INO80D: variants seen among roughly 807,000 people sequenced by gnomAD.
INO80D encodes the protein INO80 complex subunit D.
A neutral mutation model predicts 87.6 loss-of-function variants in INO80D; 21 were observed. That is an observed-to-expected ratio of 0.24 (90% CI 0.17 to 0.35). The LOEUF is 0.35. Among genes scored for constraint, INO80D ranks in the 10% least tolerant of loss-of-function variants. INO80D has a pLI of 1.00. For synonymous variants in INO80D, 440 were observed against 491.0 expected (o/e 0.90, Z 1.37); for missense variants, 982 against 1,280.7 (o/e 0.77, Z 3.56).
At position 205,993,885 on chromosome 2, in the gene INO80D, A is replaced by T. The variant is rs1687760599; in HGVS notation, c.*10483T>A. ...TAAACTTTTGTATACAAAAACCCTT[A>T]AACAAATTAAACAAGGACCAGATAA... On this transcript the variant is annotated 3_prime_UTR_variant, in exon 11 of 11. Coordinates refer to ENST00000403263, the MANE Select transcript of INO80D (RefSeq NM_017759.5). 1 of 152,240 alleles carries T rather than the reference A, an allele frequency of 6.6e-6. No homozygotes were observed. The highest frequency in any genetic ancestry group is 1.5e-5 in the Non-Finnish European group (1 of 68,040). The allele number at this position is 152,240 out of a possible 1,614,324, so 9.4% of individuals were successfully genotyped here. A position where few individuals can be genotyped will look rare whatever the true frequency, so the allele number is the denominator to read the frequency against.
At chr2:206,011,273 G>T (rs1688167824) in intron 8 of INO80D, among the ~76,000 whole-genome samples, 1 of 152,134 alleles carries the variant, frequency 6.6e-6, no homozygotes, top group African/African-American at 2.4e-5. Flanking sequence ...GAGGAAGTTA[G>T]GGGGCTCTCA....
At position 206,025,293 on chromosome 2, in the gene INO80D, C is replaced by T. The variant is rs193039695; in HGVS notation, c.1298+2818G>A. On this transcript the variant is annotated intron_variant, in intron 6 of 10. Transcript: ENST00000403263. ...CTGTAATCCCAGCACTTTGGGAGGC[C>T]GAGGTGGGTGGATCACCTGAGGTCA... 2.3e-4 allele frequency among the ~76,000 whole-genome samples: 34 copies of T among 150,676 alleles called. No individual in the cohort carries two copies. In the East Asian group the frequency reaches 5.9e-3, roughly 26 times the overall value.
chr2:206,019,895 C>A (rs995320424), intron 6 of INO80D, 50 bp from the exon 7 acceptor site: 2 of 1,426,744 alleles, frequency 1.4e-6, no homozygotes, highest in African/African-American at 2.8e-5. Context: ...CTTTAAGAAT[C>A]CAGGGTAATT....
intron 4 of INO80D, among the ~76,000 whole-genome samples, chr2:206,048,608 T>C (rs933228681): frequency 6.6e-6 from 1 of 152,204 alleles, no homozygotes; most frequent in African/African-American, 2.4e-5. Flanking sequence ...AAGTCTTGTA[T>C]CTTGGCCAGG....
intron 8 of INO80D, among the ~76,000 whole-genome samples, chr2:206,016,612 A>C (rs1472587432): frequency 6.6e-6 from 1 of 152,228 alleles, no homozygotes; most frequent in Non-Finnish European, 1.5e-5. Context: ...GGGATGTGCC[A>C]GGGCAGAATG....
intron 8 of INO80D, 75 bp downstream of exon 8, chr2:206,017,605 T>G: frequency 8.0e-7 from 1 of 1,242,548 alleles, no homozygotes; most frequent in South Asian, 1.8e-5. Flanking sequence ...ACATACATAG[T>G]TTGTGCTAAG....
At chr2:206,076,792 A>G (rs2105908311) in intron 1 of INO80D, among the ~76,000 whole-genome samples, 1 of 152,340 alleles carries the variant, frequency 6.6e-6, no homozygotes, top group South Asian at 2.1e-4. Context: ...GGTAGGTATC[A>G]GAGAGGGGGA....
rs546974412 is a variant in INO80D at position 206,001,952 on chromosome 2, C to A, written c.*2416G>T. 6.6e-6 allele frequency: 1 copy of A among 152,220 alleles called. No homozygotes were observed. The highest frequency in any genetic ancestry group is 1.5e-5 in the Non-Finnish European group (1 of 68,004). 9.4% of individuals were successfully genotyped at this position (152,220 alleles called of 1,614,324 possible). A position where few individuals can be genotyped will look rare whatever the true frequency, so the allele number is the denominator to read the frequency against. ...TAAATGCACATAAAACAGAAAATTG[C>A]AAACAATAAAATGTGCAACTTACTG... On this transcript the variant is annotated 3_prime_UTR_variant, in exon 11 of 11. Transcript: ENST00000403263.
intron 4 of INO80D, among the ~76,000 whole-genome samples, chr2:206,047,123 A>G (rs981549567): frequency 6.6e-6 from 1 of 152,158 alleles, no homozygotes; most frequent in African/African-American, 2.4e-5. Context: ...AGGCTAAGCT[A>G]TATTCCACAG....
intron 8 of INO80D, among the ~76,000 whole-genome samples, chr2:206,015,672 G>A (rs1688298894): frequency 6.6e-6 from 1 of 152,072 alleles, no homozygotes. Context: ...ATCACCTGAG[G>A]TCAGGAGTTT....
rs1433249053 is a variant in INO80D, at chr2:206,001,802, T to C, written c.*2566A>G. ...GTTGTTGATAATTCCTCAACCACTTTCCTCAGCTTTCATCATGGGCATCCA... is the reference window on the plus strand; with the variant it reads ...GTTGTTGATAATTCCTCAACCACTTCCCTCAGCTTTCATCATGGGCATCCA... On this transcript the variant is annotated 3_prime_UTR_variant, in exon 11 of 11. Transcript: ENST00000403263. 6.6e-6 allele frequency: 1 copy of C among 152,234 alleles called. No individual in the cohort carries two copies. The highest frequency in any genetic ancestry group is 1.5e-5 in the Non-Finnish European group (1 of 68,038). 9.4% of individuals were successfully genotyped at this position (152,234 alleles called of 1,614,324 possible). A position where few individuals can be genotyped will look rare whatever the true frequency, so the allele number is the denominator to read the frequency against.
At chr2:206,084,144 A>T (rs890964857) in intron 1 of INO80D, among the ~76,000 whole-genome samples, 12 of 151,826 alleles carry the variant, frequency 7.9e-5, no homozygotes, top group African/African-American at 2.9e-4. Flanking sequence ...TTTAAACAGA[A>T]AACATACGTG....
chr2:206,035,338 A>G (rs908642272), intron 5 of INO80D, among the ~76,000 whole-genome samples: 1 of 152,092 alleles, frequency 6.6e-6, no homozygotes, highest in Admixed American at 6.6e-5. Flanking sequence ...CTGATTTCAA[A>G]CTATACTATA....
chr2:206,075,077 C>T (rs1466567192), intron 1 of INO80D, among the ~76,000 whole-genome samples: 1 of 146,842 alleles, frequency 6.8e-6, no homozygotes, highest in African/African-American at 2.5e-5. Flanking sequence ...TATTATACAC[C>T]AAGTTTAATA....
At chr2:206,080,940 T>C (rs1447749334) in intron 1 of INO80D, among the ~76,000 whole-genome samples, 2 of 127,730 alleles carry the variant, frequency 1.6e-5, no homozygotes, top group Admixed American at 1.5e-4. Context: ...ATATTAAAAA[T>C]CTTTAGAAAA....
At chr2:206,066,680 C>T (rs1026141470) in intron 1 of INO80D, among the ~76,000 whole-genome samples, 1 of 151,766 alleles carries the variant, frequency 6.6e-6, no homozygotes, top group African/African-American at 2.4e-5. Flanking sequence ...TGGCACACAC[C>T]TGTAATCCCA....
At chr2:206,033,390 C>T (rs1688817850) in intron 5 of INO80D, among the ~76,000 whole-genome samples, 1 of 152,146 alleles carries the variant, frequency 6.6e-6, no homozygotes, top group Non-Finnish European at 1.5e-5. Flanking sequence ...TCAAGTATCT[C>T]TCAGACTACA....
chr2:206,066,561 T>G (rs1689820034), intron 1 of INO80D, among the ~76,000 whole-genome samples: 1 of 152,114 alleles, frequency 6.6e-6, no homozygotes, highest in Non-Finnish European at 1.5e-5. Context: ...ATCCTAGCAC[T>G]TTGGGAGGCC....
chr2:206,063,060 C>T lies in INO80D; in HGVS notation c.-29-15G>A. On this transcript the variant is annotated splice_polypyrimidine_tract_variant and intron_variant, in intron 2 of 10. Transcript: ENST00000403263. ...GTGAACATCAGCTAAAAGGCCACCA[C>T]AAAAAAAGAAACCCAAATGATAAAT... 1 of 1,356,070 alleles carries T rather than the reference C, an allele frequency of 7.4e-7. No homozygotes were observed. Among genetic ancestry groups the T allele is most frequent in the Non-Finnish European group, 1.0e-6 (1 of 964,802 alleles). 84.0% of individuals were successfully genotyped at this position (1,356,070 alleles called of 1,614,324 possible).
Sources: gnomAD v4.1 joint callset for allele counts (sites outside exome capture counted in the v4.1 genomes callset) on GRCh38, gnomAD v4.1.1 for gene constraint, MANE v1.5 for transcripts, NCBI Gene and HGNC (gene_info 2026-07-23, HGNC 2026-07-21) for gene names.